IL7: variants seen among roughly 807,000 people sequenced by gnomAD.
IL7 encodes the protein interleukin 7.
In IL7, 3 loss-of-function variants were observed where a neutral mutation model predicts 21.6. The ratio of observed to expected loss-of-function variants is 0.14; its 90% CI spans 0.06 to 0.36. The LOEUF (loss-of-function observed/expected upper bound fraction) is 0.36. IL7 is among the 10% of genes least tolerant of loss of function. The pLI, the probability that IL7 is intolerant of heterozygous loss-of-function variation, is 1.00. For synonymous variants in IL7, 62 were observed against 68.1 expected (o/e 0.91, Z 0.44); for missense variants, 175 against 200.2 (o/e 0.87, Z 0.76).
chr8:78,747,170 T>C (rs968727592), intron 2 of IL7: 34 of 420,416 alleles, frequency 8.1e-5, no homozygotes, highest in African/African-American at 6.8e-4. Context: ...TTGGTCCCTA[T>C]AGAAATATAC....
rs575654285 is a variant in IL7 at position 78,680,920 on chromosome 8, G to C, written n.274-4816C>G. 5.9e-5 allele frequency among the ~76,000 whole-genome samples: 9 copies of C among 152,296 alleles called. No individual in the cohort carries two copies. The South Asian group carries it at 1.9e-3, about 32-fold the overall frequency. On this transcript the variant is annotated intron_variant and non_coding_transcript_variant, in intron 4 of 4. Coordinates refer to the IL7 transcript ENST00000523959. ...TAGGAATTTGGATAGCTACCAGCTG[G>C]AATGAGCAGGGCTGAAATTGTATAA...
chr8:78,765,709 A>G, intron 2 of IL7, among the ~76,000 whole-genome samples: 1 of 152,112 alleles, frequency 6.6e-6, no homozygotes, highest in Admixed American at 6.5e-5. Flanking sequence ...TAAAGCAAAA[A>G]GAATTCTCAT....
chr8:78,784,305 C>G (rs1813439265), intron 2 of IL7, among the ~76,000 whole-genome samples: 1 of 152,112 alleles, frequency 6.6e-6, no homozygotes, highest in Non-Finnish European at 1.5e-5. Flanking sequence ...AGGTCCTTCA[C>G]CAGAACCCAA....
downstream of IL7, among the ~76,000 whole-genome samples, chr8:78,731,723 G>C (rs1407786735): frequency 6.6e-6 from 1 of 151,912 alleles, no homozygotes; most frequent in African/African-American, 2.4e-5. Flanking sequence ...TTAGAGGCTA[G>C]GAAACAAAGA....
At chr8:78,741,095 A>G (rs1299176995) in intron 2 of IL7, among the ~76,000 whole-genome samples, 1 of 152,174 alleles carries the variant, frequency 6.6e-6, no homozygotes, top group Non-Finnish European at 1.5e-5. Context: ...AAGTGGAGCA[A>G]TGGCAGGATT....
chr8:78,704,695 C>CA (rs1251138912), intron 3 of IL7, among the ~76,000 whole-genome samples: 4 of 152,178 alleles, frequency 2.6e-5, no homozygotes, highest in Non-Finnish European at 5.9e-5. Flanking sequence ...ATATGTTTTT[C>CA]AAATTGGTGC....
chr8:78,775,648 A>C (rs1269031814), intron 2 of IL7, among the ~76,000 whole-genome samples: 1 of 152,128 alleles, frequency 6.6e-6, no homozygotes, highest in African/African-American at 2.4e-5. Flanking sequence ...TTTCATTTCC[A>C]GTCCTTTTTC....
intron 2 of IL7, 86 bp from the exon 3 acceptor site, chr8:78,740,168 A>G: frequency 1.3e-6 from 1 of 775,464 alleles, no homozygotes; most frequent in Non-Finnish European, 1.8e-6. Flanking sequence ...ATCTTATAAT[A>G]TCTGATATTT....
chr8:78,711,928 A>C, intron 3 of IL7: 1 of 1,077,426 alleles, frequency 9.3e-7, no homozygotes, highest in South Asian at 1.4e-5. Context: ...TCTTTTAAAA[A>C]AACTTTATAT....
intron 2 of IL7, among the ~76,000 whole-genome samples, chr8:78,775,377 T>C (rs1813098705): frequency 6.6e-6 from 1 of 152,118 alleles, no homozygotes; most frequent in Non-Finnish European, 1.5e-5. Context: ...GAAAGGTTAT[T>C]ATGGAATTCA....
At chr8:78,696,749 T>A (rs1326737287) in intron 3 of IL7, among the ~76,000 whole-genome samples, 1 of 152,208 alleles carries the variant, frequency 6.6e-6, no homozygotes, top group Non-Finnish European at 1.5e-5. Flanking sequence ...AAATCCATAA[T>A]GCAGCTGTTG....
rs555889373 is a variant in IL7 at position 78,709,475 on chromosome 8, G to T, written n.214+11873C>A. The stretch of plus-strand genomic sequence containing the variant: ...TGATAACCTAGAATTCCAGACCTCG[G>T]TTTCTTATGTGGATAACAATGATTG... On this transcript the variant is annotated intron_variant and non_coding_transcript_variant, in intron 3 of 4. Coordinates refer to the IL7 transcript ENST00000523959. Among the ~76,000 whole-genome samples, 4 of 152,204 alleles carry T rather than the reference G, an allele frequency of 2.6e-5. No individual in the cohort carries two copies. In the East Asian group the frequency reaches 5.8e-4, roughly 22 times the overall value.
chr8:78,744,468 G>A (rs1811908591), intron 2 of IL7, among the ~76,000 whole-genome samples: 2 of 152,156 alleles, frequency 1.3e-5, no homozygotes, highest in Non-Finnish European at 2.9e-5. Flanking sequence ...CCCAAACAGT[G>A]AAGATGGTGG....
chr8:78,689,001 C>A (rs1810117234), intron 3 of IL7, among the ~76,000 whole-genome samples: 1 of 147,850 alleles, frequency 6.8e-6, no homozygotes. Flanking sequence ...TGATTCAAAG[C>A]TAGAAGAAAA....
At chr8:78,676,383 A>G (rs1809579958) in intron 4 of IL7, among the ~76,000 whole-genome samples, 3 of 152,002 alleles carry the variant, frequency 2.0e-5, no homozygotes. Context: ...AAGTACACCT[A>G]AAATTTATTA....
intron 3 of IL7, among the ~76,000 whole-genome samples, chr8:78,702,941 G>A (rs189312747): frequency 3.3e-5 from 5 of 152,188 alleles, no homozygotes; most frequent in African/African-American, 1.2e-4. Flanking sequence ...CTGTCGCCCA[G>A]GCTATAGTGC....
intron 2 of IL7, among the ~76,000 whole-genome samples, chr8:78,794,122 A>T (rs1813780628): frequency 6.6e-6 from 1 of 152,096 alleles, no homozygotes; most frequent in African/African-American, 2.4e-5. Context: ...ACTTCTTCCG[A>T]ACTCCTGTTA....
intron 2 of IL7, among the ~76,000 whole-genome samples, chr8:78,794,849 GCTT>G (rs1369858824): frequency 6.6e-6 from 1 of 151,966 alleles, no homozygotes; most frequent in African/African-American, 2.4e-5. Context: ...CAAAATGTAA[GCTT>G]CTTGAAAAAA....
downstream of IL7, among the ~76,000 whole-genome samples, chr8:78,675,483 T>C (rs1809551467): frequency 6.6e-6 from 1 of 152,090 alleles, no homozygotes; most frequent in East Asian, 1.9e-4. Flanking sequence ...AGATAGCCTA[T>C]AAGTTAAGAG....
Sources: gnomAD v4.1 joint callset for allele counts (sites outside exome capture counted in the v4.1 genomes callset) on GRCh38, gnomAD v4.1.1 for gene constraint, MANE v1.5 for transcripts, NCBI Gene and HGNC (gene_info 2026-07-23, HGNC 2026-07-21) for gene names.